DDX42: variants seen among roughly 807,000 people sequenced by gnomAD.
DDX42 encodes ATP-dependent RNA helicase DDX42.
In DDX42, 22 loss-of-function variants were observed where a neutral mutation model predicts 101.5. That is an observed-to-expected ratio of 0.22 (90% CI 0.15 to 0.31). The LOEUF is 0.31. Ranked by LOEUF, DDX42 falls within the 10% of genes least tolerant of loss-of-function variation. The probability of loss-of-function intolerance (pLI) is 1.00; values close to 1 mark genes in which losing one functional copy is unlikely to be tolerated. For synonymous variants in DDX42, 402 were observed against 401.2 expected (o/e 1.00, Z -0.02); for missense variants, 849 against 1,199.9 (o/e 0.71, Z 4.32).
chr17:63,812,306 A>G, intron 14 of DDX42, 98 bp downstream of exon 14: 1 of 1,458,962 alleles, frequency 6.9e-7, no homozygotes, highest in Non-Finnish European at 9.1e-7. Flanking sequence ...GCTGATGGAA[A>G]GACTGTTGGC....
At chr17:63,798,162 A>G (rs192408599) in intron 4 of DDX42, 63 bp downstream of exon 4, 110 of 1,494,830 alleles carry the variant, frequency 7.4e-5, no homozygotes, top group Middle Eastern at 5.2e-4. Flanking sequence ...TGCAAAGTCT[A>G]TTCCCCCAAA....
At chr17:63,810,324 C>A in intron 11 of DDX42, 189 bp from the exon 12 acceptor site, 2 of 404,992 alleles carry the variant, frequency 4.9e-6, no homozygotes, top group Non-Finnish European at 8.9e-6. Flanking sequence ...CTCCTGACCT[C>A]AAGTGATCCG....
At chr17:63,802,096 A>T (rs545293521) in intron 6 of DDX42, among the ~76,000 whole-genome samples, 3 of 152,312 alleles carry the variant, frequency 2.0e-5, no homozygotes, top group Non-Finnish European at 4.4e-5. Flanking sequence ...AGTGATAAGT[A>T]AAACTGCTGA....
At chr17:63,794,945 A>G (rs1394502999) in intron 3 of DDX42, among the ~76,000 whole-genome samples, 2 of 152,108 alleles carry the variant, frequency 1.3e-5, no homozygotes, top group East Asian at 3.9e-4. Flanking sequence ...TAAAAAAAAA[A>G]AAAAAAAGAA....
chr17:63,779,706 CTG>C (rs1567727648), intron 1 of DDX42, among the ~76,000 whole-genome samples: 1 of 152,102 alleles, frequency 6.6e-6, no homozygotes, highest in Non-Finnish European at 1.5e-5. Flanking sequence ...CTCTTCTACT[CTG>C]TGTCTCTGAG....
Position 63,774,213 on chromosome 17 carries a change from T to TGGTGGC in DDX42, c.-171_-166dup, listed in dbSNP as rs1371138737. Reference sequence around the variant, plus strand: ...GCAACGGGCCGTGAGGCGGTGGCGGTGGTGGCGGTGGCGGCGGCGGTGGTG... The same window carrying TGGTGGC: ...GCAACGGGCCGTGAGGCGGTGGCGGTGGTGGCGGTGGCGGTGGCGGCGGCGGTGGTG... On this transcript the variant is annotated 5_prime_UTR_variant, in exon 1 of 18. Transcript: ENST00000389924. 1.4e-4 allele frequency: 36 copies of TGGTGGC among 253,656 alleles called. 7 individuals are homozygous for TGGTGGC. Among genetic ancestry groups the TGGTGGC allele is most frequent in the Middle Eastern group, 1.1e-3 (1 of 878 alleles). 15.7% of individuals were successfully genotyped at this position (253,656 alleles called of 1,614,324 possible).
Position 63,818,445 on chromosome 17 carries a change from A to C in DDX42, c.*47A>C. On this transcript the variant is annotated 3_prime_UTR_variant, in exon 18 of 18. Coordinates refer to ENST00000389924, the MANE Select transcript of DDX42 (RefSeq NM_203499.3). The stretch of plus-strand genomic sequence containing the variant: ...AATCAGTTGTCCTTAATTTTTAGAA[A>C]GATTTTGGTAACTAGGTGTCTCAGG... The C allele has an allele frequency of 6.4e-7, 1 of 1,553,484 alleles. No homozygotes were observed. Among genetic ancestry groups the C allele is most frequent in the Non-Finnish European group, 8.7e-7 (1 of 1,151,258 alleles).
At chr17:63,788,614 T>C (rs1000515461) in intron 2 of DDX42, among the ~76,000 whole-genome samples, 12 of 152,260 alleles carry the variant, frequency 7.9e-5, no homozygotes, top group African/African-American at 2.9e-4. Flanking sequence ...GGGCTACATC[T>C]AAGTCTTCAA....
At chr17:63,815,697 T>TCTA in intron 16 of DDX42, 24 bp downstream of exon 16, 11 of 1,519,358 alleles carry the variant, frequency 7.2e-6, no homozygotes, top group Non-Finnish European at 9.1e-6. Context: ...ACTACAGTAG[T>TCTA]GCCTTTATAG....
At chr17:63,794,364 C>G (rs750242260) in intron 3 of DDX42, among the ~76,000 whole-genome samples, 4 of 151,642 alleles carry the variant, frequency 2.6e-5, no homozygotes, top group Non-Finnish European at 5.9e-5. Flanking sequence ...GGCAGCATAG[C>G]GAGTCCCTGT....
intron 15 of DDX42, among the ~76,000 whole-genome samples, chr17:63,813,909 G>A (rs537336444): frequency 6.6e-6 from 1 of 151,856 alleles, no homozygotes; most frequent in African/African-American, 2.4e-5. Flanking sequence ...GCACGATCTC[G>A]GCTCACTGCA....
chr17:63,811,831 C>A, intron 13 of DDX42, 101 bp from the exon 14 acceptor site: 2 of 1,486,492 alleles, frequency 1.3e-6, no homozygotes, highest in South Asian at 2.4e-5. Flanking sequence ...TGGGATTGTT[C>A]AAGGTCTTCT....
intron 7 of DDX42, 24 bp from the exon 8 acceptor site, chr17:63,806,511 C>A: frequency 6.2e-7 from 1 of 1,602,186 alleles, no homozygotes; most frequent in Non-Finnish European, 8.5e-7. Context: ...ACAAGTCATT[C>A]TGGGGAGTTG....
intron 5 of DDX42, 61 bp downstream of exon 5, chr17:63,799,686 A>G: frequency 6.6e-7 from 1 of 1,512,726 alleles, no homozygotes; most frequent in African/African-American, 1.4e-5. Flanking sequence ...TACTGGGGAC[A>G]AGCTAGAGCT....
At chr17:63,783,661 A>G (rs2039514250) in intron 1 of DDX42, among the ~76,000 whole-genome samples, 1 of 152,198 alleles carries the variant, frequency 6.6e-6, no homozygotes, top group South Asian at 2.1e-4. Context: ...TACTAAATAC[A>G]TACCTTAGTC....
chr17:63,799,523 TG>T (rs2039736590), intron 4 of DDX42, 65 bp from the exon 5 acceptor site: 1 of 1,579,658 alleles, frequency 6.3e-7, no homozygotes. Context: ...ACTAATCTGC[TG>T]TAAGTATGGA....
intron 1 of DDX42, among the ~76,000 whole-genome samples, chr17:63,780,208 A>T (rs1187293196): frequency 6.6e-6 from 1 of 152,092 alleles, no homozygotes; most frequent in Non-Finnish European, 1.5e-5. Flanking sequence ...AGGCAGGAGA[A>T]TCACTTCAAC....
intron 6 of DDX42, among the ~76,000 whole-genome samples, chr17:63,800,989 CT>C (rs60645695): frequency 1.6e-5 from 1 of 63,934 alleles, no homozygotes; most frequent in Admixed American, 1.5e-4. Flanking sequence ...TTCTCCCTTT[CT>C]CTTTCCTTTT....
At position 63,805,379 on chromosome 17, in the gene DDX42, A is replaced by G. The variant is rs1367201176; in HGVS notation, c.726+204A>G. The G allele has an allele frequency of 1.4e-5, 8 of 582,244 alleles. No homozygotes were observed. The East Asian group carries it at 2.6e-4, about 19-fold the overall frequency. The allele number at this position is 582,244 out of a possible 1,614,324, so 36.1% of individuals were successfully genotyped here. On this transcript the variant is annotated intron_variant, in intron 7 of 17. Transcript: ENST00000389924. ...CTAGATGCTGTTTTAGGATAGGATC[A>G]TTTTCTTGTTTCATATTTCAGTCAG...
Sources: gnomAD v4.1 joint callset for allele counts (sites outside exome capture counted in the v4.1 genomes callset) on GRCh38, gnomAD v4.1.1 for gene constraint, MANE v1.5 for transcripts, NCBI Gene and HGNC (gene_info 2026-07-23, HGNC 2026-07-21) for gene names.